Variants in SPATA16 observed in about 807,000 individuals in gnomAD.
SPATA16 encodes spermatogenesis associated 16.
SPATA16 carries 36 observed loss-of-function variants against 63.3 expected under a neutral mutation model. The observed-to-expected ratio is 0.57, with a 90% confidence interval of 0.44 to 0.75. The LOEUF (loss-of-function observed/expected upper bound fraction) is 0.75, where lower values mean the gene tolerates loss of function less well. SPATA16 is among the 30% of genes least tolerant of loss of function. The pLI, the probability that SPATA16 is intolerant of heterozygous loss-of-function variation, is 0.00. For synonymous variants in SPATA16, 203 were observed against 216.7 expected (o/e 0.94, Z 0.56); for missense variants, 646 against 679.3 (o/e 0.95, Z 0.54).
intron 6 of SPATA16, among the ~76,000 whole-genome samples, chr3:172,950,503 T>G (rs1219364278): frequency 6.6e-6 from 1 of 152,222 alleles, no homozygotes; most frequent in African/African-American, 2.4e-5. Context: ...GAAGACTGTT[T>G]AATTCTATAA....
intron 4 of SPATA16, among the ~76,000 whole-genome samples, chr3:173,014,899 C>T (rs557421393): frequency 2.0e-5 from 3 of 152,232 alleles, no homozygotes; most frequent in Admixed American, 6.5e-5. Flanking sequence ...TGAGTGGTCT[C>T]CAGCTCACTG....
intron 2 of SPATA16, among the ~76,000 whole-genome samples, chr3:173,090,495 G>A (rs541758345): frequency 2.0e-5 from 3 of 152,216 alleles, no homozygotes; most frequent in African/African-American, 4.8e-5. Flanking sequence ...TGAGTTTGGC[G>A]CTTCCACAAA....
chr3:172,992,418 A>G (rs935506353), intron 4 of SPATA16, among the ~76,000 whole-genome samples: 1 of 152,018 alleles, frequency 6.6e-6, no homozygotes, highest in Non-Finnish European at 1.5e-5. Context: ...CAGTTCACAG[A>G]GGAGTAGACA....
intron 4 of SPATA16, among the ~76,000 whole-genome samples, chr3:172,983,098 A>AAGGAC (rs1734358875): frequency 6.6e-6 from 1 of 152,192 alleles, no homozygotes; most frequent in South Asian, 2.1e-4. Flanking sequence ...ACCTCCACAG[A>AAGGAC]AGGACATTGC....
chr3:173,104,319 CT>C (rs1419734442), intron 2 of SPATA16, among the ~76,000 whole-genome samples: 28 of 152,164 alleles, frequency 1.8e-4, no homozygotes, highest in Admixed American at 1.4e-3. Flanking sequence ...TTTTAGTTAT[CT>C]TTATAGCAGT....
intron 2 of SPATA16, among the ~76,000 whole-genome samples, chr3:173,089,287 C>T (rs757005877): frequency 2.0e-5 from 3 of 152,174 alleles, no homozygotes; most frequent in Non-Finnish European, 2.9e-5. Flanking sequence ...TGAAGACATG[C>T]GTCCTCTGTG....
intron 3 of SPATA16, among the ~76,000 whole-genome samples, chr3:173,030,494 T>A (rs1158276221): frequency 6.6e-6 from 1 of 152,000 alleles, no homozygotes; most frequent in East Asian, 1.9e-4. Flanking sequence ...CATCACTAAT[T>A]GTTAGGGAAA....
intron 6 of SPATA16, among the ~76,000 whole-genome samples, chr3:172,930,798 C>T (rs1012293158): frequency 1.3e-5 from 2 of 151,830 alleles, no homozygotes; most frequent in African/African-American, 2.4e-5. Context: ...GTGATCCACC[C>T]GCCTTGGCCT....
intron 2 of SPATA16, among the ~76,000 whole-genome samples, chr3:173,086,240 T>G (rs1288278485): frequency 6.6e-6 from 1 of 152,208 alleles, no homozygotes; most frequent in Non-Finnish European, 1.5e-5. Context: ...GAATTCAACT[T>G]GTTCGTGGTA....
chr3:173,075,682 AT>A (rs1172656207), intron 2 of SPATA16, among the ~76,000 whole-genome samples: 2 of 152,176 alleles, frequency 1.3e-5, no homozygotes, highest in African/African-American at 2.4e-5. Context: ...AGAAAGACAA[AT>A]ATCACAGGTC....
chr3:172,936,903 G>A (rs1026617603), intron 6 of SPATA16, among the ~76,000 whole-genome samples: 1 of 151,990 alleles, frequency 6.6e-6, no homozygotes, highest in African/African-American at 2.4e-5. Context: ...TAGAGATAGG[G>A]TTTCACCATA....
intron 6 of SPATA16, among the ~76,000 whole-genome samples, chr3:172,953,467 A>G (rs1733500641): frequency 6.6e-6 from 1 of 152,356 alleles, no homozygotes; most frequent in Non-Finnish European, 1.5e-5. Flanking sequence ...GCAGTCCAGC[A>G]GGAAGAGGAA....
At chr3:173,123,936 G>C (rs1025626578) in intron 1 of SPATA16, among the ~76,000 whole-genome samples, 28 of 152,118 alleles carry the variant, frequency 1.8e-4, no homozygotes, top group Non-Finnish European at 5.9e-5. Context: ...TTAAAGATCT[G>C]TAGCTGCAAA....
chr3:173,043,114 C>A (rs913388384), intron 3 of SPATA16, among the ~76,000 whole-genome samples: 1 of 151,992 alleles, frequency 6.6e-6, no homozygotes. Context: ...CTGATGGTCT[C>A]TGCCTTTTAA....
At chr3:172,992,984 A>G (rs1278536099) in intron 4 of SPATA16, among the ~76,000 whole-genome samples, 1 of 152,192 alleles carries the variant, frequency 6.6e-6, no homozygotes, top group Non-Finnish European at 1.5e-5. Context: ...CACCTAAAAT[A>G]CAACAAACCC....
intron 5 of SPATA16, among the ~76,000 whole-genome samples, chr3:172,976,099 A>G (rs976611105): frequency 6.6e-6 from 1 of 152,122 alleles, no homozygotes; most frequent in Non-Finnish European, 1.5e-5. Context: ...GAGAAGAGAA[A>G]ACATGGAGGA....
At chr3:173,074,238 A>C (rs1296524342) in intron 2 of SPATA16, among the ~76,000 whole-genome samples, 1 of 152,140 alleles carries the variant, frequency 6.6e-6, no homozygotes, top group Non-Finnish European at 1.5e-5. Context: ...AAATGAGTTA[A>C]GACTTTGGGG....
At chr3:172,991,221 C>T (rs1368459021) in intron 4 of SPATA16, among the ~76,000 whole-genome samples, 2 of 152,094 alleles carry the variant, frequency 1.3e-5, no homozygotes, top group East Asian at 3.9e-4. Context: ...GGAGATATTT[C>T]AGAGTGTGTA....
intron 2 of SPATA16, among the ~76,000 whole-genome samples, chr3:173,100,864 TCAA>T (rs748329177): frequency 6.6e-6 from 1 of 152,046 alleles, no homozygotes; most frequent in East Asian, 1.9e-4. Context: ...GTTTCAAATA[TCAA>T]CAACAAGAGA....
Sources: allele counts gnomAD v4.1 joint callset (sites outside exome capture counted in the v4.1 genomes callset), GRCh38; gene constraint gnomAD v4.1.1; transcripts MANE v1.5; gene names NCBI Gene and HGNC (gene_info 2026-07-23, HGNC 2026-07-21).